Variants in PTPRR observed in about 807,000 individuals in gnomAD.
PTPRR encodes protein tyrosine phosphatase receptor type R, also known as receptor-type tyrosine-protein phosphatase R.
Under a neutral mutation model 77.2 loss-of-function variants are expected in PTPRR, and 38 were observed. The ratio of observed to expected loss-of-function variants is 0.49; its 90% CI spans 0.38 to 0.65. The LOEUF is 0.65. PTPRR is among the 30% of genes least tolerant of loss of function. PTPRR has a pLI of 0.00. For synonymous variants in PTPRR, 299 were observed against 283.1 expected, an observed-to-expected ratio of 1.06 and a Z score of -0.57; for missense variants, 744 against 799.2, an observed-to-expected ratio of 0.93 and a Z score of 0.83.
intron 2 of PTPRR, among the ~76,000 whole-genome samples, chr12:70,792,184 A>AG (rs1286611667): frequency 2.0e-5 from 3 of 152,202 alleles, no homozygotes; most frequent in African/African-American, 7.2e-5. Flanking sequence ...GAGGTTGTTA[A>AG]GGGGATTGAT....
intron 2 of PTPRR, among the ~76,000 whole-genome samples, chr12:70,838,426 C>G (rs1295000903): frequency 6.6e-6 from 1 of 152,148 alleles, no homozygotes; most frequent in African/African-American, 2.4e-5. Flanking sequence ...TGATGTCATT[C>G]TTTCCTAATG....
chr12:70,658,363 T>C (rs1403211809), intron 12 of PTPRR, among the ~76,000 whole-genome samples: 1 of 152,218 alleles, frequency 6.6e-6, no homozygotes, highest in African/African-American at 2.4e-5. Flanking sequence ...ATAGCACCTA[T>C]TTCTCACATT....
chr12:70,863,672 A>G (rs1592800224), intron 2 of PTPRR, among the ~76,000 whole-genome samples: 2 of 148,682 alleles, frequency 1.3e-5, no homozygotes, highest in Admixed American at 1.3e-4. Flanking sequence ...TAATGAACCA[A>G]TTATCTATTG....
chr12:70,808,055 G>A (rs968811394), intron 2 of PTPRR, among the ~76,000 whole-genome samples: 4 of 152,066 alleles, frequency 2.6e-5, no homozygotes, highest in African/African-American at 9.7e-5. Flanking sequence ...CTAATAATTA[G>A]CAGCCCTGGG....
chr12:70,683,049 T>A (rs770753243), intron 10 of PTPRR, among the ~76,000 whole-genome samples: 2 of 152,204 alleles, frequency 1.3e-5, no homozygotes, highest in Admixed American at 6.5e-5. Flanking sequence ...TTATCTATTG[T>A]AGCAAAAATA....
chr12:70,796,365 T>C (rs1289892265), intron 2 of PTPRR, among the ~76,000 whole-genome samples: 1 of 152,176 alleles, frequency 6.6e-6, no homozygotes, highest in African/African-American at 2.4e-5. Flanking sequence ...ATAGTTTCCC[T>C]AGCCTTGTAA....
rs1248448556 is a variant in PTPRR at position 70,920,218 on chromosome 12, G to C, written c.58+115C>G. The C allele has an allele frequency of 5.1e-6, 6 of 1,180,936 alleles. No homozygotes were observed. In the East Asian group the frequency reaches 1.5e-4, roughly 30 times the overall value. 73.2% of individuals were successfully genotyped at this position (1,180,936 alleles called of 1,614,324 possible). A position where few individuals can be genotyped will look rare whatever the true frequency, so the allele number is the denominator to read the frequency against. On this transcript the variant is annotated intron_variant, in intron 1 of 13. Transcript: ENST00000283228. The stretch of plus-strand genomic sequence containing the variant: ...CCCCTTCCCTGTCAGGTACTGTCCT[G>C]TTTTACCTTTTTAGAAAGGCTTTCT...
chr12:70,840,221 A>G, intron 2 of PTPRR, among the ~76,000 whole-genome samples: 1 of 151,988 alleles, frequency 6.6e-6, no homozygotes, highest in East Asian at 1.9e-4. Context: ...TCCTCATTCC[A>G]GCTTCTACAG....
intron 2 of PTPRR, among the ~76,000 whole-genome samples, chr12:70,767,578 A>T (rs1890858995): frequency 1.3e-5 from 2 of 152,068 alleles, no homozygotes; most frequent in Non-Finnish European, 2.9e-5. Flanking sequence ...AGACGTTAAC[A>T]CCCCACTGTC....
At chr12:70,691,525 A>G (rs1405677168) in intron 8 of PTPRR, among the ~76,000 whole-genome samples, 81 of 151,998 alleles carry the variant, frequency 5.3e-4, no homozygotes, top group Non-Finnish European at 1.9e-4. Context: ...GCACATCCTG[A>G]GGGCTCTCAA....
chr12:70,799,196 C>A (rs1473356576), intron 2 of PTPRR, among the ~76,000 whole-genome samples: 1 of 152,040 alleles, frequency 6.6e-6, no homozygotes, highest in Non-Finnish European at 1.5e-5. Flanking sequence ...TAAAGTACAC[C>A]ATTTAGCCAT....
At chr12:70,847,725 G>C (rs1892508424) in intron 2 of PTPRR, among the ~76,000 whole-genome samples, 1 of 152,144 alleles carries the variant, frequency 6.6e-6, no homozygotes. Context: ...TGCTTAGAGA[G>C]AGGGAATTTT....
chr12:70,655,519 TAAAC>T (rs1289051705), intron 13 of PTPRR, among the ~76,000 whole-genome samples: 1 of 152,112 alleles, frequency 6.6e-6, no homozygotes, highest in African/African-American at 2.4e-5. Flanking sequence ...GATGAATGGA[TAAAC>T]AAAATATGTG....
intron 7 of PTPRR, among the ~76,000 whole-genome samples, chr12:70,700,848 A>G (rs892551975): frequency 1.3e-5 from 2 of 152,132 alleles, no homozygotes; most frequent in African/African-American, 2.4e-5. Context: ...AATTCCCCAG[A>G]CAGTGACAGC....
At chr12:70,697,519 T>C (rs1888271231) in intron 8 of PTPRR, among the ~76,000 whole-genome samples, 1 of 152,202 alleles carries the variant, frequency 6.6e-6, no homozygotes, top group African/African-American at 2.4e-5. Flanking sequence ...GAGTTGTCTT[T>C]TCACTTCCTT....
intron 10 of PTPRR, among the ~76,000 whole-genome samples, chr12:70,669,586 AC>A (rs1887142106): frequency 6.6e-6 from 1 of 151,076 alleles, no homozygotes; most frequent in Non-Finnish European, 1.5e-5. Flanking sequence ...ACACACACAC[AC>A]AAGCTTGCAC....
chr12:70,763,566 A>C (rs1890742096), intron 3 of PTPRR, among the ~76,000 whole-genome samples: 1 of 152,244 alleles, frequency 6.6e-6, no homozygotes, highest in Non-Finnish European at 1.5e-5. Flanking sequence ...CTCACTCTCT[A>C]CACACAGAAA....
At chr12:70,715,635 C>G (rs954125510) in intron 6 of PTPRR, among the ~76,000 whole-genome samples, 4 of 152,168 alleles carry the variant, frequency 2.6e-5, no homozygotes, top group African/African-American at 9.7e-5. Flanking sequence ...CAGGGATGTT[C>G]CTTGCTGAGA....
intron 13 of PTPRR, among the ~76,000 whole-genome samples, chr12:70,651,793 T>G (rs1478125630): frequency 6.6e-6 from 1 of 152,144 alleles, no homozygotes; most frequent in East Asian, 1.9e-4. Flanking sequence ...AGAGAAATAA[T>G]TAGAGATCAG....
Sources: gnomAD v4.1 joint callset for allele counts (sites outside exome capture counted in the v4.1 genomes callset) on GRCh38, gnomAD v4.1.1 for gene constraint, MANE v1.5 for transcripts, NCBI Gene and HGNC (gene_info 2026-07-23, HGNC 2026-07-21) for gene names.